Variants in ATP2B4 observed in about 807,000 individuals in gnomAD.
The protein encoded by ATP2B4 is plasma membrane calcium-transporting ATPase 4.
ATP2B4 carries 39 observed loss-of-function variants against 110.3 expected under a neutral mutation model. The observed-to-expected ratio is 0.35, with a 90% CI of 0.27 to 0.46. ATP2B4 has a LOEUF of 0.46. ATP2B4 is among the 20% of genes least tolerant of loss of function. The probability of loss-of-function intolerance (pLI) is 1.00; values close to 1 mark genes in which losing one functional copy is unlikely to be tolerated. For synonymous variants in ATP2B4, 538 were observed against 571.7 expected (o/e 0.94, Z 0.84); for missense variants, 1,135 against 1,530.9 (o/e 0.74, Z 4.32).
rs771059469 is a variant in ATP2B4, at chr1:203,683,258, G to A, written c.53G>A (p.Arg18His). The change falls in exon 2 of 21, where the codon CGT becomes CAT. Residue 18 changes from arginine (R) to histidine (H), a missense_variant. Arg to His is a conservative substitution (Grantham distance 29). This residue lies in a region of ATP2B4 where 122 missense variants were observed against 125.2 expected (regional missense o/e 0.97). Transcript: ENST00000357681. ...VLPANSMAES[R>H]EGDFGCTVME... ...CCTGCCAACTCGATGGCCGAGAGCC[G>A]TGAAGGGGACTTTGGCTGCACAGTA... is the stretch of plus-strand genomic sequence containing the variant. 3.3e-5 allele frequency: 53 copies of A among 1,614,076 alleles called. No homozygotes were observed. Among genetic ancestry groups the A allele is most frequent in the Admixed American group, 2.5e-4 (15 of 60,008 alleles).
At chr1:203,698,407 C>T (rs1351528968) in intron 3 of ATP2B4, 53 bp downstream of exon 3, 14 of 1,567,944 alleles carry the variant, frequency 8.9e-6, no homozygotes, top group South Asian at 5.6e-5. Context: ...TTTCCACCAC[C>T]ACCACCAAGC....
At chr1:203,738,119 C>T (rs1012953541) in intron 20 of ATP2B4, among the ~76,000 whole-genome samples, 1 of 152,034 alleles carries the variant, frequency 6.6e-6, no homozygotes, top group Non-Finnish European at 1.5e-5. Flanking sequence ...TCACTCCTAC[C>T]CCTCCAACCT....
rs985452827 is a variant in ATP2B4 at position 203,724,875 on chromosome 1, T to C, written c.3132+887T>C. On this transcript the variant is annotated intron_variant, in intron 19 of 20. Transcript: ENST00000357681. ...TTTGAATCCAGCTCTCTGTTTTTTT[T>C]TTTTTTTTTTTTTTTTTCTGAGACA... 1.1e-4 allele frequency among the ~76,000 whole-genome samples: 15 copies of C among 141,744 alleles called. 1 individual carries two copies. The highest frequency in any genetic ancestry group is 3.4e-4 in the African/African-American group (13 of 37,698). The allele number at this position is 141,744 out of a possible 152,430, so 93.0% of individuals were successfully genotyped here. A position where few individuals can be genotyped will look rare whatever the true frequency, so the allele number is the denominator to read the frequency against.
chr1:203,646,007 C>T (rs992497718), intron 1 of ATP2B4, among the ~76,000 whole-genome samples: 3 of 151,940 alleles, frequency 2.0e-5, no homozygotes, highest in South Asian at 2.1e-4. Context: ...GTTGTTTTCT[C>T]GGTGTACTTT....
chr1:203,713,226 C>A lies in ATP2B4; in HGVS notation c.2273C>A (p.Pro758His). Residue 758 changes from proline to histidine, a missense_variant, in exon 14 of 21, where the codon CCC becomes CAC. Pro to His is a moderately conservative substitution (Grantham distance 77, BLOSUM62 -2). Coordinates refer to ENST00000357681, the MANE Select transcript of ATP2B4 (RefSeq NM_001684.5). ...CTTCGGGTCCTGGCGCGATCTTCTC[C>A]CACTGACAAGCACACCCTGGTGAAA... ...PKLRVLARSS[P>H]TDKHTLVKGI... The A allele has an allele frequency of 6.2e-7, 1 of 1,614,130 alleles. No individual in the cohort carries two copies. Among genetic ancestry groups the A allele is most frequent in the Non-Finnish European group, 8.5e-7 (1 of 1,180,006 alleles).
In ATP2B4 at chr1:203,702,064, GA is replaced by G; in HGVS notation, c.926del (p.Asn309IlefsTer48). The G allele has an allele frequency of 6.2e-7, 1 of 1,614,026 alleles. No individual in the cohort carries two copies. Among genetic ancestry groups the G allele is most frequent in the Non-Finnish European group, 8.5e-7 (1 of 1,179,966 alleles). ...KKKGKKQGVP[E>X]NRNKAKTQDG... The stretch of plus-strand genomic sequence containing the variant: ...AACAGGTAAAAAACAAGGAGTCCCT[GA>G]AAATCGCAACAAAGGTAACCTCTCC... On this transcript the variant is annotated frameshift_variant, in exon 7 of 21. Transcript: ENST00000357681. LOFTEE classifies it high-confidence loss of function.
At position 203,699,791 on chromosome 1, in the gene ATP2B4, G is replaced by A. The variant is rs182135555; in HGVS notation, c.649+74G>A. ...AGGGATAGGTCCTTTGGCATGAGGG[G>A]GCTGGGAATTGCTGAAAACCCAAAA... On this transcript the variant is annotated intron_variant, in intron 4 of 20. Coordinates refer to ENST00000357681, the MANE Select transcript of ATP2B4 (RefSeq NM_001684.5). 143 of 1,568,520 alleles carry A rather than the reference G, an allele frequency of 9.1e-5. 1 individual carries two copies. The African/African-American group carries it at 1.8e-3, about 19-fold the overall frequency.
At chr1:203,731,510 T>TA (rs1316143087) in intron 20 of ATP2B4, among the ~76,000 whole-genome samples, 3 of 152,018 alleles carry the variant, frequency 2.0e-5, no homozygotes, top group African/African-American at 7.2e-5. Context: ...GGGTCAGGGA[T>TA]AAGGATGGTA....
At chr1:203,654,335 C>T (rs560176704) in intron 1 of ATP2B4, among the ~76,000 whole-genome samples, 3 of 152,260 alleles carry the variant, frequency 2.0e-5, no homozygotes, top group East Asian at 3.9e-4. Context: ...TTTCAAAATA[C>T]TACTGCTCAT....
At chr1:203,734,381 G>A (rs1293469917) in intron 20 of ATP2B4, among the ~76,000 whole-genome samples, 4 of 152,052 alleles carry the variant, frequency 2.6e-5, no homozygotes, top group East Asian at 1.9e-4. Context: ...GAACATCCCC[G>A]TTATTTTACT....
intron 1 of ATP2B4, among the ~76,000 whole-genome samples, chr1:203,648,093 C>T (rs1384511380): frequency 2.0e-5 from 3 of 152,098 alleles, no homozygotes; most frequent in Non-Finnish European, 4.4e-5. Context: ...AATAAAGCCC[C>T]CTGTAAATCT....
intron 1 of ATP2B4, among the ~76,000 whole-genome samples, chr1:203,666,500 C>T (rs369055405): frequency 3.9e-5 from 6 of 152,166 alleles, no homozygotes; most frequent in Admixed American, 6.5e-5. Flanking sequence ...GGAGGGCCTT[C>T]GCTTTCCCAA....
intron 1 of ATP2B4, among the ~76,000 whole-genome samples, chr1:203,671,970 C>T (rs947881174): frequency 6.6e-6 from 1 of 152,212 alleles, no homozygotes; most frequent in East Asian, 1.9e-4. Flanking sequence ...TCCCACGACA[C>T]CTGGTGAATC....
In ATP2B4 at chr1:203,740,159, C is replaced by A; in HGVS notation, c.*305C>A. 3.1e-6 allele frequency: 1 copy of A among 318,746 alleles called. No individual in the cohort carries two copies. Among genetic ancestry groups the A allele is most frequent in the East Asian group, 6.0e-5 (1 of 16,706 alleles). The allele number at this position is 318,746 out of a possible 1,614,324, so 19.7% of individuals were successfully genotyped here. On this transcript the variant is annotated 3_prime_UTR_variant, in exon 21 of 21. Coordinates refer to ENST00000357681, the MANE Select transcript of ATP2B4 (RefSeq NM_001684.5). ...GATGACAATCCTCTTGGCATCACCCCACCCCACATTCTCCCCGATGTTCCT... is the reference window on the plus strand; with the variant it reads ...GATGACAATCCTCTTGGCATCACCCAACCCCACATTCTCCCCGATGTTCCT...
chr1:203,712,384 A>G (rs1666037336), intron 13 of ATP2B4, among the ~76,000 whole-genome samples: 1 of 152,100 alleles, frequency 6.6e-6, no homozygotes, highest in Admixed American at 6.5e-5. Context: ...CAAGGTCAAG[A>G]GATAGAGACC....
At chr1:203,673,226 C>T (rs764698077) in intron 1 of ATP2B4, among the ~76,000 whole-genome samples, 3 of 152,186 alleles carry the variant, frequency 2.0e-5, no homozygotes, top group Non-Finnish European at 4.4e-5. Flanking sequence ...GCCCCACCTC[C>T]GTTCTTGTGC....
At chr1:203,654,831 G>A (rs1664107598) in intron 1 of ATP2B4, among the ~76,000 whole-genome samples, 2 of 150,936 alleles carry the variant, frequency 1.3e-5, no homozygotes, top group African/African-American at 4.9e-5. Flanking sequence ...AGGGTGCAGT[G>A]AGCCATGATT....
At chr1:203,633,867 A>G (rs2102295572) in intron 1 of ATP2B4, among the ~76,000 whole-genome samples, 1 of 152,158 alleles carries the variant, frequency 6.6e-6, no homozygotes, top group Admixed American at 6.5e-5. Context: ...CCTGACCAAT[A>G]TGGAGAAACC....
At chr1:203,662,462 C>T (rs1664369251) in intron 1 of ATP2B4, among the ~76,000 whole-genome samples, 1 of 152,186 alleles carries the variant, frequency 6.6e-6, no homozygotes, top group Admixed American at 6.5e-5. Context: ...ACAATAATGC[C>T]CATTCCCCAC....
Sources: allele counts gnomAD v4.1 joint callset (sites outside exome capture counted in the v4.1 genomes callset), GRCh38; gene constraint gnomAD v4.1.1; regional missense constraint gnomAD v4.1.1; transcripts MANE v1.5; gene names NCBI Gene and HGNC (gene_info 2026-07-23, HGNC 2026-07-21).